Variants in CIMIP6 observed in about 807,000 individuals in gnomAD.
The protein encoded by CIMIP6 is uncharacterized protein C2orf73.
the CIMIP6 span, among the ~76,000 whole-genome samples, chr2:54,362,152 C>T: frequency 6.6e-6 from 1 of 152,042 alleles, no homozygotes; most frequent in African/African-American, 2.4e-5. Flanking sequence ...CACTGAAGTC[C>T]CTGACAAAAG....
the CIMIP6 span, among the ~76,000 whole-genome samples, chr2:54,351,352 T>C: frequency 3.3e-5 from 5 of 152,288 alleles, no homozygotes; most frequent in African/African-American, 9.6e-5. Flanking sequence ...CTATTCACAA[T>C]AGCAAAGACA....
At chr2:54,356,499 G>A in the CIMIP6 span, among the ~76,000 whole-genome samples, 7 of 151,960 alleles carry the variant, frequency 4.6e-5, no homozygotes, top group African/African-American at 9.7e-5. Flanking sequence ...CCAACCCTTC[G>A]TACCAGTTCA....
chr2:54,345,136 T>A, the CIMIP6 span, among the ~76,000 whole-genome samples: 1 of 152,132 alleles, frequency 6.6e-6, no homozygotes, highest in African/African-American at 2.4e-5. Context: ...GGCTTGAGAA[T>A]TAAATTGACA....
At chr2:54,376,976 G>A in the CIMIP6 span, among the ~76,000 whole-genome samples, 2 of 152,322 alleles carry the variant, frequency 1.3e-5, no homozygotes, top group South Asian at 4.1e-4. Flanking sequence ...GAATGACCTA[G>A]TGTCCTTCTG....
chr2:54,362,838 T>C, the CIMIP6 span, among the ~76,000 whole-genome samples: 14 of 152,198 alleles, frequency 9.2e-5, no homozygotes, highest in African/African-American at 3.4e-4. Flanking sequence ...TGAGCCACTG[T>C]GCATGGCTCT....
the CIMIP6 span, among the ~76,000 whole-genome samples, chr2:54,337,290 G>T: frequency 1.3e-5 from 2 of 152,124 alleles, no homozygotes; most frequent in African/African-American, 2.4e-5. Flanking sequence ...CTTGGGGCAG[G>T]AATTCCTGTG....
chr2:54,334,450 A>G, the CIMIP6 span, among the ~76,000 whole-genome samples: 2 of 152,214 alleles, frequency 1.3e-5, no homozygotes, highest in Non-Finnish European at 2.9e-5. Flanking sequence ...TCTTGGTAAT[A>G]AAACTTTTAA....
the CIMIP6 span, among the ~76,000 whole-genome samples, chr2:54,372,133 A>G: frequency 2.0e-5 from 3 of 152,166 alleles, no homozygotes; most frequent in Non-Finnish European, 4.4e-5. Flanking sequence ...GGGACAGCAG[A>G]TAAAGAATGT....
the CIMIP6 span, chr2:54,383,423 A>G: frequency 6.6e-6 from 1 of 152,236 alleles, no homozygotes; most frequent in South Asian, 2.1e-4. Context: ...ATAATGTTTT[A>G]CACAAACTGT....
the CIMIP6 span, among the ~76,000 whole-genome samples, chr2:54,350,874 T>G: frequency 6.6e-6 from 1 of 152,242 alleles, no homozygotes; most frequent in Non-Finnish European, 1.5e-5. Flanking sequence ...CTTTACACTT[T>G]GAAGATATTA....
the CIMIP6 span, among the ~76,000 whole-genome samples, chr2:54,334,083 AG>A: frequency 6.6e-6 from 1 of 152,204 alleles, no homozygotes; most frequent in Non-Finnish European, 1.5e-5. Context: ...CTATGTAAAA[AG>A]TATTCAAATT....
chr2:54,375,576 T>A, the CIMIP6 span, among the ~76,000 whole-genome samples: 2 of 152,240 alleles, frequency 1.3e-5, no homozygotes, highest in African/African-American at 2.4e-5. Flanking sequence ...CACGTGTATA[T>A]GTTTTTACTT....
At chr2:54,378,961 A>G in the CIMIP6 span, among the ~76,000 whole-genome samples, 1 of 152,248 alleles carries the variant, frequency 6.6e-6, no homozygotes, top group Admixed American at 6.5e-5. Context: ...GGCAGAGAAC[A>G]TGAACTGTAA....
the CIMIP6 span, among the ~76,000 whole-genome samples, chr2:54,364,330 A>AT: frequency 6.6e-6 from 1 of 152,238 alleles, no homozygotes. Context: ...ATTACAAAAA[A>AT]TAAAAAAGAA....
chr2:54,377,863 A>T, the CIMIP6 span, among the ~76,000 whole-genome samples: 2 of 152,306 alleles, frequency 1.3e-5, no homozygotes, highest in South Asian at 4.2e-4. Context: ...AATAATATTT[A>T]TTAGCTGTGG....
chr2:54,354,076 C>T, the CIMIP6 span, among the ~76,000 whole-genome samples: 1 of 152,074 alleles, frequency 6.6e-6, no homozygotes, highest in African/African-American at 2.4e-5. Context: ...TAGAGTGAAC[C>T]ACTTTTCTGA....
At chr2:54,343,956 G>T in the CIMIP6 span, 3 of 1,208,354 alleles carry the variant, frequency 2.5e-6, no homozygotes, top group East Asian at 2.7e-5. Flanking sequence ...TGTCCGGACA[G>T]CTCCTGAAAA....
At chr2:54,361,173 A>T in the CIMIP6 span, 1 of 152,230 alleles carries the variant, frequency 6.6e-6, no homozygotes, top group African/African-American at 2.4e-5. Flanking sequence ...TATATAATTA[A>T]AAGTGTGAAA....
At chr2:54,359,531 T>G in the CIMIP6 span, among the ~76,000 whole-genome samples, 1 of 151,962 alleles carries the variant, frequency 6.6e-6, no homozygotes, top group Non-Finnish European at 1.5e-5. Flanking sequence ...CTCTGGAAGC[T>G]GAGGTAGGAG....
Sources: allele counts gnomAD v4.1 joint callset (sites outside exome capture counted in the v4.1 genomes callset), GRCh38; gene constraint gnomAD v4.1.1; transcripts MANE v1.5; gene names NCBI Gene and HGNC (gene_info 2026-07-23, HGNC 2026-07-21).